The following SLC60A1 variants were observed in gnomAD, a reference collection of about 807,000 sequenced individuals.
SLC60A1 encodes the protein major facilitator superfamily domain containing 4.
At chr1:205,598,894 G>T in the SLC60A1 span, 2 of 555,854 alleles carry the variant, frequency 3.6e-6, no homozygotes, top group East Asian at 6.2e-5. Context: ...GAGCTGCAAG[G>T]GACTGCAGGG....
the SLC60A1 span, among the ~76,000 whole-genome samples, chr1:205,595,831 T>A: frequency 6.6e-6 from 1 of 152,238 alleles, no homozygotes; most frequent in Non-Finnish European, 1.5e-5. Context: ...GTGGTTAGCA[T>A]AGAACCCAGT....
the SLC60A1 span, chr1:205,586,260 C>G: frequency 1.2e-6 from 2 of 1,600,806 alleles, no homozygotes; most frequent in African/African-American, 2.7e-5. Flanking sequence ...GAGAAGCCGC[C>G]TCCTCCTGGC....
At chr1:205,574,027 A>G in the SLC60A1 span, among the ~76,000 whole-genome samples, 1 of 152,132 alleles carries the variant, frequency 6.6e-6, no homozygotes, top group Non-Finnish European at 1.5e-5. Context: ...GGGGTGACAG[A>G]AATGCTCTAA....
the SLC60A1 span, among the ~76,000 whole-genome samples, chr1:205,571,562 G>A: frequency 6.6e-6 from 1 of 152,126 alleles, no homozygotes; most frequent in Non-Finnish European, 1.5e-5. Context: ...AAGACAAAAT[G>A]CCATGAAGAA....
At chr1:205,581,583 C>T in the SLC60A1 span, among the ~76,000 whole-genome samples, 1 of 152,162 alleles carries the variant, frequency 6.6e-6, no homozygotes, top group South Asian at 2.1e-4. This position sits in a 1 kb window ranked among gnomAD's most constrained non-coding sequence, Gnocchi z 4.2. Context: ...GGGGAGACCC[C>T]CTACCCCCAT....
the SLC60A1 span, among the ~76,000 whole-genome samples, chr1:205,577,981 C>T: frequency 5.9e-5 from 9 of 152,228 alleles, no homozygotes; most frequent in African/African-American, 2.2e-4. The surrounding 1 kb of genome is among the most constrained non-coding windows in gnomAD (Gnocchi z 5.2). Flanking sequence ...TCCTGGTTTC[C>T]TTTCCCATAC....
chr1:205,572,086 C>T, the SLC60A1 span, among the ~76,000 whole-genome samples: 1 of 152,132 alleles, frequency 6.6e-6, no homozygotes, highest in East Asian at 1.9e-4. Flanking sequence ...GGTGGAGAGC[C>T]TTGGCTATTG....
chr1:205,576,723 A>G, the SLC60A1 span, among the ~76,000 whole-genome samples: 1 of 152,314 alleles, frequency 6.6e-6, no homozygotes, highest in Admixed American at 6.5e-5. Flanking sequence ...TGGCAACAGC[A>G]TATCATTCTA....
chr1:205,584,838 G>C, the SLC60A1 span: 295 of 1,591,138 alleles, frequency 1.9e-4, no homozygotes, highest in Non-Finnish European at 2.5e-4. Flanking sequence ...GGGAGCAGAA[G>C]CTGAGACTCA....
At chr1:205,592,776 T>C in the SLC60A1 span, among the ~76,000 whole-genome samples, 1 of 147,604 alleles carries the variant, frequency 6.8e-6, no homozygotes, top group East Asian at 2.3e-4. Flanking sequence ...CTTTTTTCCA[T>C]CCGCTTTGTC....
the SLC60A1 span, chr1:205,592,349 T>G: frequency 1.3e-6 from 2 of 1,483,978 alleles, no homozygotes; most frequent in South Asian, 1.3e-5. Context: ...CGCCTCGCTC[T>G]GCCCTGTCTC....
At chr1:205,576,390 C>T in the SLC60A1 span, among the ~76,000 whole-genome samples, 1 of 152,190 alleles carries the variant, frequency 6.6e-6, no homozygotes, top group African/African-American at 2.4e-5. Flanking sequence ...AATGTCACAT[C>T]ACATGGACTC....
the SLC60A1 span, among the ~76,000 whole-genome samples, chr1:205,579,086 C>T: frequency 6.6e-6 from 1 of 152,162 alleles, no homozygotes; most frequent in African/African-American, 2.4e-5. Flanking sequence ...AACACGGTCA[C>T]CTTTCAGTGT....
chr1:205,580,206 C>G, the SLC60A1 span, among the ~76,000 whole-genome samples: 1 of 151,946 alleles, frequency 6.6e-6, no homozygotes, highest in Non-Finnish European at 1.5e-5. The surrounding 1 kb of genome is among the most constrained non-coding windows in gnomAD (Gnocchi z 5.0). Context: ...GCTTGCCTCC[C>G]CTCTCCTTCC....
At chr1:205,579,451 A>G in the SLC60A1 span, 1 of 553,242 alleles carries the variant, frequency 1.8e-6, no homozygotes, top group African/African-American at 1.9e-5. Flanking sequence ...TTTGCATTTA[A>G]TTGCTTTTAA....
At chr1:205,580,022 TC>T in the SLC60A1 span, 1 of 1,468,872 alleles carries the variant, frequency 6.8e-7, no homozygotes, top group Non-Finnish European at 9.2e-7. The surrounding 1 kb of genome is among the most constrained non-coding windows in gnomAD (Gnocchi z 5.0). Context: ...CCTCAGTCTC[TC>T]CCAGCCTCCT....
the SLC60A1 span, among the ~76,000 whole-genome samples, chr1:205,581,639 G>A: frequency 2.6e-4 from 40 of 152,162 alleles, no homozygotes; most frequent in South Asian, 7.5e-3. The surrounding 1 kb of genome is among the most constrained non-coding windows in gnomAD (Gnocchi z 4.2). Flanking sequence ...AGCATCCCTG[G>A]CTCCTGGGCC....
the SLC60A1 span, among the ~76,000 whole-genome samples, chr1:205,584,353 C>T: frequency 5.3e-5 from 8 of 150,716 alleles, no homozygotes; most frequent in South Asian, 2.1e-4. Context: ...TCCCAAGTTG[C>T]GGGGATTACA....
chr1:205,599,780 G>A, the SLC60A1 span: 1 of 155,006 alleles, frequency 6.5e-6, no homozygotes, highest in Admixed American at 6.4e-5. Flanking sequence ...AGAGACCCCA[G>A]GCAGGGGGAG....
Sources: allele counts gnomAD v4.1 joint callset (sites outside exome capture counted in the v4.1 genomes callset), GRCh38; gene constraint gnomAD v4.1.1; non-coding constraint Gnocchi (gnomAD v3.1); transcripts MANE v1.5; gene names NCBI Gene and HGNC (gene_info 2026-07-23, HGNC 2026-07-21).